NKAIN3: variants seen among roughly 807,000 people sequenced by gnomAD.
NKAIN3 encodes the protein sodium/potassium-transporting ATPase subunit beta-1-interacting protein 3.
NKAIN3 carries 25 observed loss-of-function variants against 30.2 expected under a neutral mutation model. The ratio of observed to expected loss-of-function variants is 0.83; its 90% confidence interval spans 0.60 to 1.16. The LOEUF is 1.16. NKAIN3 is among the 50% of genes most tolerant of loss of function. The probability of loss-of-function intolerance (pLI) is 0.00; values close to 1 mark genes in which losing one functional copy is unlikely to be tolerated. For synonymous variants in NKAIN3, 91 were observed against 89.6 expected (o/e 1.02, Z -0.09); for missense variants, 225 against 254.1 (o/e 0.89, Z 0.78).
chr8:62,718,950 C>T (rs933774116), intron 3 of NKAIN3, among the ~76,000 whole-genome samples: 3 of 152,200 alleles, frequency 2.0e-5, no homozygotes, highest in South Asian at 2.1e-4. Flanking sequence ...TGGTAGGCAT[C>T]GCACATAAAT....
chr8:62,582,161 TC>T (rs1810325720), intron 2 of NKAIN3, among the ~76,000 whole-genome samples: 1 of 149,530 alleles, frequency 6.7e-6, no homozygotes, highest in Admixed American at 6.7e-5. Flanking sequence ...TTCTTTCCCT[TC>T]CTCTCCCCAT....
chr8:62,884,619 G>A (rs1821089787), intron 4 of NKAIN3, among the ~76,000 whole-genome samples: 1 of 152,262 alleles, frequency 6.6e-6, no homozygotes, highest in South Asian at 2.1e-4. Flanking sequence ...ACCCATTTGA[G>A]CTTGGTGCTT....
intron 3 of NKAIN3, among the ~76,000 whole-genome samples, chr8:62,725,188 A>G (rs1815216156): frequency 1.3e-5 from 2 of 152,142 alleles, no homozygotes; most frequent in Admixed American, 1.3e-4. Context: ...CTTTTGAAAA[A>G]ATATCTATTC....
intron 1 of NKAIN3, among the ~76,000 whole-genome samples, chr8:62,276,417 A>G (rs931319424): frequency 3.3e-5 from 5 of 152,200 alleles, no homozygotes; most frequent in Admixed American, 1.3e-4. Context: ...CAGAGTAGTG[A>G]CAAGGCACTC....
chr8:62,388,734 T>C (rs4738968), intron 1 of NKAIN3, among the ~76,000 whole-genome samples: 21,055 of 152,228 alleles, frequency 0.14, 1,735 homozygotes, highest in East Asian at 0.4. Flanking sequence ...TACTATGTCT[T>C]CAAACTGGGA....
rs1305258852 is a variant in NKAIN3, at chr8:62,378,130, G to A, written c.54+129003G>A. Among the ~76,000 whole-genome samples the A allele has an allele frequency of 1.1e-4, 16 of 152,300 alleles. No individual in the cohort carries two copies. The East Asian group carries it at 2.7e-3, about 26-fold the overall frequency. ...AGTCCAGGCTGAGGTGGTGTCAGTC[G>A]GAGGTGAGGACCTTGTTGGGAACTG... On this transcript the variant is annotated intron_variant, in intron 1 of 6. Transcript: ENST00000623646.
At chr8:62,297,642 A>T (rs1813880069) in intron 1 of NKAIN3, among the ~76,000 whole-genome samples, 1 of 151,978 alleles carries the variant, frequency 6.6e-6, no homozygotes, top group African/African-American at 2.4e-5. Context: ...CACACCAGTT[A>T]GAATGGCAAT....
intron 3 of NKAIN3, among the ~76,000 whole-genome samples, chr8:62,735,129 A>G (rs938011627): frequency 1.3e-5 from 2 of 152,122 alleles, no homozygotes; most frequent in Admixed American, 6.6e-5. Flanking sequence ...TGAGCTTCTT[A>G]TATTTAGATG....
At chr8:62,953,476 T>C (rs966679654) in intron 5 of NKAIN3, among the ~76,000 whole-genome samples, 1 of 152,154 alleles carries the variant, frequency 6.6e-6, no homozygotes, top group Non-Finnish European at 1.5e-5. Flanking sequence ...GCATTGGAGA[T>C]AGATTGTGTG....
chr8:62,994,752 G>C (rs1804067052), intron 5 of NKAIN3, among the ~76,000 whole-genome samples: 1 of 152,122 alleles, frequency 6.6e-6, no homozygotes, highest in Non-Finnish European at 1.5e-5. Context: ...TCTCCATCTG[G>C]AGAGTCCTTT....
chr8:62,254,892 A>G (rs1329120911), intron 1 of NKAIN3, among the ~76,000 whole-genome samples: 2 of 152,234 alleles, frequency 1.3e-5, no homozygotes, highest in Non-Finnish European at 2.9e-5. Flanking sequence ...GTCAACATGG[A>G]TTAGTTGTAA....
intron 1 of NKAIN3, among the ~76,000 whole-genome samples, chr8:62,290,162 TA>T (rs911413095): frequency 3.9e-5 from 6 of 152,206 alleles, no homozygotes; most frequent in Non-Finnish European, 2.9e-5. Flanking sequence ...TGGGGTTTTC[TA>T]AATATACAAT....
At chr8:62,718,180 C>CCACAACA (rs1192420130) in intron 3 of NKAIN3, among the ~76,000 whole-genome samples, 1 of 152,158 alleles carries the variant, frequency 6.6e-6, no homozygotes, top group Admixed American at 6.5e-5. Flanking sequence ...TGGGTCCCTC[C>CCACAACA]CACAACACGT....
intron 1 of NKAIN3, among the ~76,000 whole-genome samples, chr8:62,263,548 A>G (rs1027219703): frequency 1.3e-5 from 2 of 152,116 alleles, no homozygotes; most frequent in Non-Finnish European, 2.9e-5. Context: ...GGCTGACCTC[A>G]TGGATGTATG....
intron 1 of NKAIN3, among the ~76,000 whole-genome samples, chr8:62,399,515 A>C (rs1243620459): frequency 1.3e-5 from 2 of 151,304 alleles, no homozygotes; most frequent in Non-Finnish European, 2.9e-5. Flanking sequence ...AAAAGAAAAA[A>C]GAGAGAGAGA....
chr8:62,900,717 G>A (rs544295674), intron 4 of NKAIN3, among the ~76,000 whole-genome samples: 1 of 151,080 alleles, frequency 6.6e-6, no homozygotes, highest in South Asian at 2.1e-4. Context: ...AATTGGTGAA[G>A]TAGTATGATT....
intron 1 of NKAIN3, among the ~76,000 whole-genome samples, chr8:62,381,398 G>T (rs1817270817): frequency 6.6e-6 from 1 of 152,008 alleles, no homozygotes; most frequent in African/African-American, 2.4e-5. Flanking sequence ...TCTTTATAAA[G>T]GGATGCCCTT....
intron 4 of NKAIN3, among the ~76,000 whole-genome samples, chr8:62,895,249 T>C (rs1411770842): frequency 1.3e-5 from 2 of 152,222 alleles, no homozygotes; most frequent in African/African-American, 2.4e-5. Context: ...CCACATTCAT[T>C]AGATTTCAGT....
At chr8:62,684,628 G>A (rs28577164) in intron 3 of NKAIN3, among the ~76,000 whole-genome samples, 2,149 of 152,228 alleles carry the variant, frequency 0.014, 28 homozygotes, top group Non-Finnish European at 0.019. Flanking sequence ...TATAAATTAG[G>A]GTTATGGGCT....
Sources: allele counts gnomAD v4.1 joint callset (sites outside exome capture counted in the v4.1 genomes callset), GRCh38; gene constraint gnomAD v4.1.1; transcripts MANE v1.5; gene names NCBI Gene and HGNC (gene_info 2026-07-23, HGNC 2026-07-21).